Variants in KANK1 observed in about 807,000 individuals in gnomAD.
The protein encoded by KANK1 is KN motif and ankyrin repeat domains 1.
KANK1 carries 109 observed loss-of-function variants against 106.2 expected under a neutral mutation model. That is an observed-to-expected ratio of 1.03 (90% CI 0.88 to 1.20). KANK1 has a LOEUF of 1.20. Ranked by LOEUF, KANK1 falls within the 50% of genes most tolerant of loss-of-function variation. The pLI is 0.00. For missense variants in KANK1, 2,399 were observed against 1,710.7 expected (o/e 1.40, Z -7.10); for synonymous variants, 873 against 652.2 (o/e 1.34, Z -5.16).
chr9:600,464 C>T (rs1318768723), intron 1 of KANK1, among the ~76,000 whole-genome samples: 1 of 151,802 alleles, frequency 6.6e-6, no homozygotes, highest in Non-Finnish European at 1.5e-5. Flanking sequence ...ATGTCTGACT[C>T]TTTTCATTCC....
upstream of KANK1, among the ~76,000 whole-genome samples, chr9:502,436 A>C (rs982725060): frequency 1.3e-5 from 2 of 151,980 alleles, no homozygotes; most frequent in African/African-American, 2.4e-5. Context: ...CGTTTTGCTT[A>C]CTCTTGAGGG....
chr9:619,068 G>A (rs1832536512), intron 1 of KANK1, among the ~76,000 whole-genome samples: 1 of 152,188 alleles, frequency 6.6e-6, no homozygotes, highest in South Asian at 2.1e-4. Context: ...CTTTAGGAGA[G>A]AAAATGGCCA....
At chr9:596,245 G>C (rs1588113707) in intron 1 of KANK1, among the ~76,000 whole-genome samples, 1 of 151,796 alleles carries the variant, frequency 6.6e-6, no homozygotes, top group South Asian at 2.1e-4. Flanking sequence ...TTGGATTAAG[G>C]ACGTTCAACT....
At chr9:683,258 G>C (rs1212399802) in intron 2 of KANK1, among the ~76,000 whole-genome samples, 2 of 152,148 alleles carry the variant, frequency 1.3e-5, no homozygotes, top group Non-Finnish European at 2.9e-5. Flanking sequence ...ATTTGCAGAA[G>C]GATTAAAATG....
At chr9:717,114 G>A (rs1331845728) in intron 3 of KANK1, among the ~76,000 whole-genome samples, 4 of 151,908 alleles carry the variant, frequency 2.6e-5, no homozygotes, top group East Asian at 1.9e-4. Context: ...GTAAAACCCC[G>A]TCTTTACTAA....
chr9:475,894 C>T (rs1201370716), intron 3 of KANK1, among the ~76,000 whole-genome samples: 2 of 151,674 alleles, frequency 1.3e-5, no homozygotes, highest in African/African-American at 4.8e-5. Context: ...ACTCTGTTGC[C>T]CAGGCTGGAG....
chr9:691,611 A>ATTTTTTTCTTTTTTTTTTT (rs1554684788), intron 2 of KANK1, among the ~76,000 whole-genome samples: 1 of 71,082 alleles, frequency 1.4e-5, no homozygotes, highest in African/African-American at 4.6e-5. Context: ...TAATACCAGA[A>ATTTTTTTCTTTTTTTTTTT]TTTTTTTTTT....
intron 1 of KANK1, among the ~76,000 whole-genome samples, chr9:589,975 A>G (rs1269422050): frequency 1.3e-5 from 2 of 152,148 alleles, no homozygotes; most frequent in African/African-American, 4.8e-5. Context: ...TGATGTAACT[A>G]TCTGAGGATG....
intron 1 of KANK1, among the ~76,000 whole-genome samples, chr9:637,097 C>T (rs1016841720): frequency 1.5e-4 from 23 of 152,132 alleles, no homozygotes; most frequent in African/African-American, 5.3e-4. Flanking sequence ...TATTCCACTC[C>T]TCCAACAACT....
rs1822987049 is a variant in KANK1 at position 712,619 on chromosome 9, C to G, written c.1853C>G (p.Thr618Arg). 1 of 1,614,084 alleles carries G rather than the reference C, an allele frequency of 6.2e-7. No homozygotes were observed. The highest frequency in any genetic ancestry group is 1.3e-5 in the African/African-American group (1 of 74,942). The change falls in exon 3 of 12, where the codon ACA becomes AGA. Residue 618 changes from threonine to arginine, a missense_variant. Thr to Arg is a moderately conservative substitution (Grantham distance 71). Transcript: ENST00000382297. ...ESVNDLTLLK[T>R]NLNLKEVRSI... Reference sequence around the variant, plus strand: ...GTGAACGACCTCACACTCCTCAAGACAAACTTGAATCTCAAAGAAGTGCGG... The same window carrying G: ...GTGAACGACCTCACACTCCTCAAGAGAAACTTGAATCTCAAAGAAGTGCGG...
At chr9:584,388 TTTC>T (rs1010755708) in intron 1 of KANK1, among the ~76,000 whole-genome samples, 1 of 152,254 alleles carries the variant, frequency 6.6e-6, no homozygotes, top group Non-Finnish European at 1.5e-5. Flanking sequence ...ATTTTTATTT[TTTC>T]TTTGATTTTT....
intron 1 of KANK1, among the ~76,000 whole-genome samples, chr9:538,196 T>C (rs910745228): frequency 4.0e-5 from 6 of 151,760 alleles, no homozygotes; most frequent in African/African-American, 1.5e-4. Context: ...AAAAAGTTAA[T>C]AATAGTGCCC....
At chr9:599,020 AT>A (rs71314718) in intron 1 of KANK1, among the ~76,000 whole-genome samples, 45,972 of 129,972 alleles carry the variant, frequency 0.35, 8,338 homozygotes, top group South Asian at 0.53. Flanking sequence ...TATTATTATT[AT>A]TTTTTTTTTT....
At chr9:650,384 G>C (rs1421038006) in intron 1 of KANK1, among the ~76,000 whole-genome samples, 3 of 152,182 alleles carry the variant, frequency 2.0e-5, no homozygotes, top group African/African-American at 7.2e-5. Context: ...TCTCCAGCAA[G>C]GGAAAGTGGC....
chr9:616,971 G>A (rs1017574245), intron 1 of KANK1, among the ~76,000 whole-genome samples: 3 of 152,152 alleles, frequency 2.0e-5, no homozygotes, highest in African/African-American at 7.2e-5. Context: ...CCTTAGGAAG[G>A]AGCAGGAAAT....
intron 1 of KANK1, among the ~76,000 whole-genome samples, chr9:592,494 G>A (rs557229823): frequency 6.6e-5 from 10 of 151,772 alleles, no homozygotes; most frequent in African/African-American, 2.2e-4. Flanking sequence ...CCCCTAGTCC[G>A]CTCTTTCACT....
chr9:603,394 A>T (rs973507129), intron 1 of KANK1, among the ~76,000 whole-genome samples: 1 of 151,854 alleles, frequency 6.6e-6, no homozygotes. Flanking sequence ...AGCTAATCAT[A>T]GTATGATAAC....
At chr9:690,343 A>C (rs1405659404) in intron 2 of KANK1, among the ~76,000 whole-genome samples, 1 of 151,744 alleles carries the variant, frequency 6.6e-6, no homozygotes, top group African/African-American at 2.4e-5. Flanking sequence ...ACAAGAGAGA[A>C]TGTCCCTAGT....
intron 1 of KANK1, among the ~76,000 whole-genome samples, chr9:603,896 T>C (rs1019099144): frequency 1.3e-5 from 2 of 149,194 alleles, no homozygotes; most frequent in Non-Finnish European, 3.0e-5. Context: ...GAGGCAGAGG[T>C]TGCAGTGAGC....
Sources: gnomAD v4.1 joint callset for allele counts (sites outside exome capture counted in the v4.1 genomes callset) on GRCh38, gnomAD v4.1.1 for gene constraint, MANE v1.5 for transcripts, NCBI Gene and HGNC (gene_info 2026-07-23, HGNC 2026-07-21) for gene names.